ZNF519: variants seen among roughly 807,000 people sequenced by gnomAD.
ZNF519 encodes similar to Zinc finger protein 85 (Zinc finger protein HPF4) (HTF1).
In ZNF519, 7 loss-of-function variants were observed where a neutral mutation model predicts 7.4. The ratio of observed to expected loss-of-function variants is 0.94; its 90% CI spans 0.54 to 1.77. The LOEUF is 1.77. Ranked by LOEUF, ZNF519 falls within the 40% of genes most tolerant of loss-of-function variation. The pLI is 0.00. For synonymous variants in ZNF519, 179 were observed against 203.3 expected (o/e 0.88, Z 1.02); for missense variants, 586 against 623.1 (o/e 0.94, Z 0.63).
intron 2 of ZNF519, among the ~76,000 whole-genome samples, chr18:14,116,910 C>T (rs754915123): frequency 6.6e-6 from 1 of 152,104 alleles, no homozygotes; most frequent in South Asian, 2.1e-4. Flanking sequence ...ACTCAGGAGG[C>T]TGAGGCAGGA....
intron 2 of ZNF519, among the ~76,000 whole-genome samples, chr18:14,108,819 A>G (rs1471010285): frequency 6.6e-6 from 1 of 152,164 alleles, no homozygotes; most frequent in Non-Finnish European, 1.5e-5. Flanking sequence ...GGCTGGGCAC[A>G]GTGGCTCATG....
chr18:14,116,143 G>A (rs908820914), intron 2 of ZNF519, among the ~76,000 whole-genome samples: 2 of 152,220 alleles, frequency 1.3e-5, no homozygotes, highest in African/African-American at 4.8e-5. Context: ...AAAAGCAGAA[G>A]CAAAATTGCC....
intron 2 of ZNF519, among the ~76,000 whole-genome samples, chr18:14,114,631 G>A (rs2143146099): frequency 6.6e-6 from 1 of 152,248 alleles, no homozygotes; most frequent in Non-Finnish European, 1.5e-5. Context: ...GAGGGAGAGA[G>A]CAGAATTGTT....
chr18:14,094,333 G>A (rs2046125910), intron 2 of ZNF519, among the ~76,000 whole-genome samples: 1 of 152,214 alleles, frequency 6.6e-6, no homozygotes. Flanking sequence ...TTGCATAAAA[G>A]TGGTAAACAT....
chr18:14,091,149 G>A (rs936608358), intron 2 of ZNF519: 7 of 152,120 alleles, frequency 4.6e-5, no homozygotes, highest in African/African-American at 1.7e-4. Flanking sequence ...GGGAAGGCAT[G>A]TTTGAACTTT....
chr18:14,088,939 T>C (rs747545242), intron 2 of ZNF519, among the ~76,000 whole-genome samples: 3 of 151,668 alleles, frequency 2.0e-5, no homozygotes, highest in Non-Finnish European at 2.9e-5. Context: ...ATTCTATATG[T>C]AAGATATGTT....
chr18:14,080,795 A>T (rs944555939), intron 3 of ZNF519, among the ~76,000 whole-genome samples: 5 of 152,200 alleles, frequency 3.3e-5, no homozygotes, highest in Non-Finnish European at 5.9e-5. Flanking sequence ...TGTTCAGTAG[A>T]TAAATGGATA....
chr18:14,090,389 T>G (rs554441835), intron 2 of ZNF519: 1 of 152,174 alleles, frequency 6.6e-6, no homozygotes, highest in East Asian at 1.9e-4. Flanking sequence ...TTTTCTTGGT[T>G]CAAGAAATGA....
intron 2 of ZNF519, among the ~76,000 whole-genome samples, chr18:14,108,614 T>TAA (rs34504051): frequency 7.4e-6 from 1 of 135,152 alleles, no homozygotes. Context: ...GCTAAATGGA[T>TAA]AAAAAAAAAA....
At chr18:14,090,671 C>CTCAA (rs1320128536) in intron 2 of ZNF519, 1 of 152,266 alleles carries the variant, frequency 6.6e-6, no homozygotes, top group Admixed American at 6.5e-5. Context: ...CAGGGGAGCC[C>CTCAA]CTTCCTGGGC....
intron 3 of ZNF519, among the ~76,000 whole-genome samples, chr18:14,081,053 G>T (rs2046069088): frequency 6.6e-6 from 1 of 152,152 alleles, no homozygotes; most frequent in Non-Finnish European, 1.5e-5. Context: ...TTAGGGCACT[G>T]AAACTATTTT....
At chr18:14,118,924 A>G (rs896932113) in intron 2 of ZNF519, among the ~76,000 whole-genome samples, 2 of 152,136 alleles carry the variant, frequency 1.3e-5, no homozygotes, top group Non-Finnish European at 2.9e-5. Context: ...AACTGCTTCA[A>G]GGTAGCTAGT....
chr18:14,123,579 C>T (rs961185570), intron 2 of ZNF519, among the ~76,000 whole-genome samples: 2 of 151,988 alleles, frequency 1.3e-5, no homozygotes, highest in African/African-American at 4.8e-5. Flanking sequence ...ATTAGCCAGG[C>T]GTGGTGGTGC....
chr18:14,105,172 T>G lies in ZNF519; in HGVS notation c.1368A>C (p.Gly456=). The G allele has an allele frequency of 6.4e-7, 1 of 1,571,688 alleles. No individual in the cohort carries two copies. The highest frequency in any genetic ancestry group is 8.7e-7 in the Non-Finnish European group (1 of 1,145,426). Residue 456 remains glycine, a synonymous_variant, in exon 3 of 3, where the codon GGA becomes GGC. Coordinates refer to ENST00000590202, the MANE Select transcript of ZNF519 (RefSeq NM_145287.4). ...ATTCTTCACATTTGAAAGACTTCTC[T>G]CCAGTATGGATTCTTTGATGTCGAG... is the stretch of plus-strand genomic sequence containing the variant. ...HLTRHQRIHT[G]EKSFKCEECG...
At position 14,105,593 on chromosome 18, in the gene ZNF519, C is replaced by T; in HGVS notation, c.947G>A (p.Gly316Glu). 1 of 1,614,066 alleles carries T rather than the reference C, an allele frequency of 6.2e-7. No individual in the cohort carries two copies. Among genetic ancestry groups the T allele is most frequent in the Non-Finnish European group, 8.5e-7 (1 of 1,179,994 alleles). Reference sequence around the variant, plus strand: ...TTCCTTACACTTGAAAGGCTTCTCTCCAGTATGGATTCTCTGATGTTGAGC... The same window carrying T: ...TTCCTTACACTTGAAAGGCTTCTCTTCAGTATGGATTCTCTGATGTTGAGC... ...HLAQHQRIHTGEKPFKCKECG... is the reference protein window; with the variant it reads ...HLAQHQRIHTEEKPFKCKECG... Residue 316 changes from glycine to glutamate, a missense_variant, in exon 3 of 3, where the codon GGA (glycine) becomes GAA (glutamate). Gly to Glu is a moderately conservative substitution (Grantham distance 98). Coordinates refer to ENST00000590202, the MANE Select transcript of ZNF519 (RefSeq NM_145287.4).
rs187473433 is a variant in ZNF519, at chr18:14,126,845, A to G, written c.4-2369T>C. ...AAACCTTGTAGTCAGACTGACCCCA[A>G]TTTGCACAGGACATCCTCAAATGTC... On this transcript the variant is annotated intron_variant, in intron 1 of 2. Transcript: ENST00000590202. 7.9e-5 allele frequency among the ~76,000 whole-genome samples: 12 copies of G among 152,290 alleles called. No homozygotes were observed. The East Asian group carries it at 1.9e-3, about 24-fold the overall frequency.
chr18:14,073,769 A>T (rs1457369558), downstream of ZNF519: 3 of 152,234 alleles, frequency 2.0e-5, no homozygotes, highest in Non-Finnish European at 4.4e-5. Flanking sequence ...CAGTACAAAA[A>T]TATGAATGTA....
rs1488274513 is a variant in ZNF519 at position 14,101,733 on chromosome 18, G to T, written c.*3184C>A. The T allele has an allele frequency of 2.5e-6, 1 of 398,746 alleles. No individual in the cohort carries two copies. The highest frequency in any genetic ancestry group is 4.4e-6 in the Non-Finnish European group (1 of 226,176). 24.7% of individuals were successfully genotyped at this position (398,746 alleles called of 1,614,324 possible). Reference sequence around the variant, plus strand: ...ACACCTGCCCCTCACCCAGGGAGATGAAGTGTCCATCAGTTCTTTGATGAT... The same window carrying T: ...ACACCTGCCCCTCACCCAGGGAGATTAAGTGTCCATCAGTTCTTTGATGAT... On this transcript the variant is annotated 3_prime_UTR_variant, in exon 3 of 3. Transcript: ENST00000590202.
chr18:14,086,718 C>T (rs1479663460), intron 2 of ZNF519, among the ~76,000 whole-genome samples: 1 of 152,152 alleles, frequency 6.6e-6, no homozygotes, highest in African/African-American at 2.4e-5. Flanking sequence ...CCGCTCTAGT[C>T]CTTCCAGGCC....
Sources: allele counts gnomAD v4.1 joint callset (sites outside exome capture counted in the v4.1 genomes callset), GRCh38; gene constraint gnomAD v4.1.1; transcripts MANE v1.5; gene names NCBI Gene and HGNC (gene_info 2026-07-23, HGNC 2026-07-21).